KIAA1549L: variants seen among roughly 807,000 people sequenced by gnomAD.
KIAA1549L encodes the protein KIAA1549 like.
In KIAA1549L, 88 loss-of-function variants were observed where a neutral mutation model predicts 160.7. That is an observed-to-expected ratio of 0.55 (90% CI 0.46 to 0.65). The LOEUF (loss-of-function observed/expected upper bound fraction) is 0.65, where lower values mean the gene tolerates loss of function less well. KIAA1549L is among the 30% of genes least tolerant of loss of function. KIAA1549L has a pLI of 0.00. For synonymous variants in KIAA1549L, 950 were observed against 976.7 expected (o/e 0.97, Z 0.51); for missense variants, 2,258 against 2,437.5 (o/e 0.93, Z 1.55).
At chr11:33,425,918 C>A (rs115256231) in intron 1 of KIAA1549L, among the ~76,000 whole-genome samples, 58 of 152,220 alleles carry the variant, frequency 3.8e-4, no homozygotes, top group African/African-American at 1.3e-3. Flanking sequence ...CCAGACAAAC[C>A]CAAATTAAGG....
intron 1 of KIAA1549L, among the ~76,000 whole-genome samples, chr11:33,423,169 TAAACTC>T (rs1241324354): frequency 1.3e-5 from 2 of 152,208 alleles, no homozygotes; most frequent in Non-Finnish European, 2.9e-5. Context: ...TGCACAAAAA[TAAACTC>T]ATACTAACTT....
At chr11:33,395,771 G>A in intron 1 of KIAA1549L, among the ~76,000 whole-genome samples, 1 of 151,792 alleles carries the variant, frequency 6.6e-6, no homozygotes, top group Admixed American at 6.6e-5. Flanking sequence ...TGATTAAATT[G>A]GACTCAGTTG....
intron 17 of KIAA1549L, among the ~76,000 whole-genome samples, chr11:33,653,019 C>T (rs1851942365): frequency 6.6e-6 from 1 of 152,182 alleles, no homozygotes; most frequent in African/African-American, 2.4e-5. Context: ...AAAACCAAAA[C>T]AAGGTTCAGA....
chr11:33,665,572 G>A (rs1003027706), intron 20 of KIAA1549L: 2 of 144,824 alleles, frequency 1.4e-5, no homozygotes, highest in Non-Finnish European at 3.0e-5. Flanking sequence ...GACCTCAGAG[G>A]GGAGGAAGTG....
At chr11:33,443,379 A>C (rs965238908) in intron 1 of KIAA1549L, among the ~76,000 whole-genome samples, 8 of 151,960 alleles carry the variant, frequency 5.3e-5, no homozygotes, top group Non-Finnish European at 8.8e-5. Context: ...GGATTGTTAG[A>C]GCCCTGTGTT....
intron 1 of KIAA1549L, among the ~76,000 whole-genome samples, chr11:33,531,156 T>A (rs1418050041): frequency 6.6e-6 from 1 of 152,182 alleles, no homozygotes; most frequent in African/African-American, 2.4e-5. Flanking sequence ...GAAGTGAAAG[T>A]GAAATTCTAT....
intron 11 of KIAA1549L, 33 bp from the exon 12 acceptor site, chr11:33,591,204 A>G: frequency 5.1e-6 from 8 of 1,554,088 alleles, no homozygotes; most frequent in Non-Finnish European, 7.0e-6. Flanking sequence ...ACTTCGCTAG[A>G]AATACGACTG....
intron 8 of KIAA1549L, among the ~76,000 whole-genome samples, chr11:33,567,540 A>G (rs1855089443): frequency 6.6e-6 from 1 of 152,176 alleles, no homozygotes; most frequent in South Asian, 2.1e-4. Context: ...AGGACACTGA[A>G]CAGGGTAGTC....
chr11:33,610,019 G>A, intron 15 of KIAA1549L, 53 bp downstream of exon 15: 2 of 1,386,192 alleles, frequency 1.4e-6, no homozygotes, highest in South Asian at 1.2e-5. Flanking sequence ...GTGGGATAAG[G>A]GCAGGCCTTG....
chr11:33,638,439 AAT>A lies in KIAA1549L; in HGVS notation c.5410-7245_5410-7244del, dbSNP rs1554927346. 1.3e-3 allele frequency among the ~76,000 whole-genome samples: 27 copies of A among 21,044 alleles called. 1 individual carries two copies. The highest frequency in any genetic ancestry group is 5.9e-3 in the Admixed American group (16 of 2,718). 13.8% of individuals were successfully genotyped at this position (21,044 alleles called of 152,430 possible). A position where few individuals can be genotyped will look rare whatever the true frequency, so the allele number is the denominator to read the frequency against. ...AAAATAAATAAAAAAAAAAAAAATAAATAAATAAATAAATAAATAAAATACTC... is the reference window on the plus strand; with the variant it reads ...AAAATAAATAAAAAAAAAAAAAATAAAAATAAATAAATAAATAAAATACTC... On this transcript the variant is annotated intron_variant, in intron 16 of 20. Transcript: ENST00000658780.
intron 1 of KIAA1549L, among the ~76,000 whole-genome samples, chr11:33,398,114 G>A (rs1211118083): frequency 1.3e-5 from 2 of 151,244 alleles, no homozygotes; most frequent in African/African-American, 4.9e-5. Flanking sequence ...TAGAGACGGG[G>A]TTTCGCCATG....
chr11:33,621,470 A>T (rs1478988470), intron 16 of KIAA1549L, among the ~76,000 whole-genome samples: 1 of 152,164 alleles, frequency 6.6e-6, no homozygotes, highest in Non-Finnish European at 1.5e-5. Context: ...GATGCTCCAA[A>T]CTCCCAAAAG....
intron 1 of KIAA1549L, among the ~76,000 whole-genome samples, chr11:33,510,125 C>G (rs1201435220): frequency 2.6e-5 from 4 of 152,116 alleles, no homozygotes; most frequent in Non-Finnish European, 5.9e-5. Context: ...TAGAGCAGGG[C>G]AGGATCTCTC....
intron 1 of KIAA1549L, among the ~76,000 whole-genome samples, chr11:33,503,304 A>G (rs552885940): frequency 7.9e-5 from 12 of 152,272 alleles, no homozygotes; most frequent in African/African-American, 2.4e-4. Flanking sequence ...ATACTATTCT[A>G]TTGTATCACA....
At chr11:33,405,463 C>T (rs1019448896) in intron 1 of KIAA1549L, among the ~76,000 whole-genome samples, 1 of 151,438 alleles carries the variant, frequency 6.6e-6, no homozygotes, top group Non-Finnish European at 1.5e-5. Flanking sequence ...CAAAAAAATT[C>T]CAGATTCAAT....
intron 9 of KIAA1549L, among the ~76,000 whole-genome samples, chr11:33,569,898 GA>G (rs1459608183): frequency 6.6e-6 from 1 of 152,172 alleles, no homozygotes; most frequent in African/African-American, 2.4e-5. Context: ...GCCAAAGGGG[GA>G]GAAGGGGCCA....
chr11:33,525,587 G>A (rs545916491), intron 1 of KIAA1549L, among the ~76,000 whole-genome samples: 2 of 151,936 alleles, frequency 1.3e-5, no homozygotes, highest in South Asian at 2.1e-4. Flanking sequence ...GAATCTGGTC[G>A]GGGTCGGGGG....
chr11:33,416,647 C>G (rs575963115), intron 1 of KIAA1549L, among the ~76,000 whole-genome samples: 2 of 152,120 alleles, frequency 1.3e-5, no homozygotes, highest in East Asian at 3.8e-4. Context: ...GGGACTTGAG[C>G]ATCTGTGGAC....
At chr11:33,443,067 T>C (rs1590248504) in intron 1 of KIAA1549L, among the ~76,000 whole-genome samples, 1 of 152,364 alleles carries the variant, frequency 6.6e-6, no homozygotes, top group East Asian at 1.9e-4. Flanking sequence ...TGTGTAATCC[T>C]GTTTTATTTC....
Sources: gnomAD v4.1 joint callset for allele counts (sites outside exome capture counted in the v4.1 genomes callset) on GRCh38, gnomAD v4.1.1 for gene constraint, MANE v1.5 for transcripts, NCBI Gene and HGNC (gene_info 2026-07-23, HGNC 2026-07-21) for gene names.